Variants in AUTS2 observed in about 807,000 individuals in gnomAD.
AUTS2 encodes autism susceptibility gene 2 protein.
In AUTS2, 17 loss-of-function variants were observed where a neutral mutation model predicts 112.4. The observed-to-expected ratio is 0.15, with a 90% confidence interval of 0.10 to 0.23. The LOEUF is 0.23. Among genes scored for constraint, AUTS2 ranks in the 10% least tolerant of loss-of-function variants. AUTS2 has a pLI of 1.00. For missense variants in AUTS2, 1,510 were observed against 1,701.6 expected (o/e 0.89, Z 1.98); for synonymous variants, 751 against 702.7 (o/e 1.07, Z -1.09).
At chr7:69,648,605 G>T (rs1795148413) in intron 1 of AUTS2, among the ~76,000 whole-genome samples, 1 of 152,098 alleles carries the variant, frequency 6.6e-6, no homozygotes. Flanking sequence ...ACAGTCTTTG[G>T]CTCCTCTTCT....
intron 1 of AUTS2, among the ~76,000 whole-genome samples, chr7:69,770,509 C>T (rs1468334235): frequency 6.6e-6 from 1 of 151,970 alleles, no homozygotes; most frequent in Non-Finnish European, 1.5e-5. Context: ...CCTCTTGGCT[C>T]CAGCTGGAGC....
In AUTS2 at chr7:69,917,822, TTTGTTGTTG is replaced by T. The variant is rs58362194; in HGVS notation, c.522+18355_522+18363del. Among the ~76,000 whole-genome samples the T allele has an allele frequency of 2.1e-3, 312 of 149,230 alleles. 4 individuals are homozygous for T. Among genetic ancestry groups the T allele is most frequent in the African/African-American group, 6.7e-3 (273 of 40,534 alleles). ...AATGGTCTTCATTTCCAAGGACACC[TTTGTTGTTG>T]TTGTTGTTGTTGTTGTTGTTGTTGT... On this transcript the variant is annotated intron_variant, in intron 2 of 18. Coordinates refer to ENST00000342771, the MANE Select transcript of AUTS2 (RefSeq NM_015570.4).
intron 3 of AUTS2, among the ~76,000 whole-genome samples, chr7:70,133,693 A>G (rs576619620): frequency 2.0e-5 from 3 of 152,222 alleles, no homozygotes; most frequent in Non-Finnish European, 4.4e-5. Flanking sequence ...ACAAAGAGGA[A>G]GAGGATGCTA....
chr7:70,288,215 A>G (rs1788552930), intron 4 of AUTS2, among the ~76,000 whole-genome samples: 1 of 152,128 alleles, frequency 6.6e-6, no homozygotes, highest in Non-Finnish European at 1.5e-5. Flanking sequence ...TATTGAGACC[A>G]CGGTGAAACC....
chr7:70,155,846 G>A (rs1002632363), intron 4 of AUTS2, among the ~76,000 whole-genome samples: 3 of 152,078 alleles, frequency 2.0e-5, no homozygotes, highest in African/African-American at 7.2e-5. Flanking sequence ...GAGCCCGTGT[G>A]AGTTCATGTG....
In AUTS2 at chr7:70,032,734, T is replaced by C. The variant is rs371483028; in HGVS notation, c.523-85398T>C. 9.9e-5 allele frequency among the ~76,000 whole-genome samples: 15 copies of C among 152,186 alleles called. 1 individual carries two copies. Among genetic ancestry groups the C allele is most frequent in the Admixed American group, 7.2e-4 (11 of 15,264 alleles). On this transcript the variant is annotated intron_variant, in intron 2 of 18. Coordinates refer to ENST00000342771, the MANE Select transcript of AUTS2 (RefSeq NM_015570.4). ...TTAGAATGGATGAGCTGTAGGGCTG[T>C]GGGCTTCAGACCCTTTCATAGCTCC...
chr7:70,309,375 T>C (rs1789634579), intron 4 of AUTS2, among the ~76,000 whole-genome samples: 1 of 152,170 alleles, frequency 6.6e-6, no homozygotes, highest in South Asian at 2.1e-4. Flanking sequence ...GTTAGGTCAT[T>C]AAAGAATATG....
intron 1 of AUTS2, among the ~76,000 whole-genome samples, chr7:69,692,555 A>C (rs1378265059): frequency 1.3e-5 from 2 of 152,210 alleles, no homozygotes; most frequent in Non-Finnish European, 2.9e-5. Flanking sequence ...TATGTCTTTC[A>C]ATTTGGTTCT....
At chr7:70,374,347 A>T (rs1585072335) in intron 4 of AUTS2, among the ~76,000 whole-genome samples, 1 of 152,230 alleles carries the variant, frequency 6.6e-6, no homozygotes, top group East Asian at 1.9e-4. Flanking sequence ...TTAACCACAA[A>T]ACCTATCTAT....
rs1018442019 is a variant in AUTS2 at position 70,766,953 on chromosome 7, C to T, written c.1689+619C>T. 1.3e-5 allele frequency among the ~76,000 whole-genome samples: 2 copies of T among 152,214 alleles called. No individual in the cohort carries two copies. Among genetic ancestry groups the T allele is most frequent in the African/African-American group, 2.4e-5 (1 of 41,450 alleles). On this transcript the variant is annotated intron_variant, in intron 9 of 18. Transcript: ENST00000342771. This position sits in a 1 kb window ranked among gnomAD's most constrained non-coding sequence, Gnocchi z 4.8. Reference sequence around the variant, plus strand: ...CGCTCTGCCTTGGGGCAAGAGGAACCACTGGCCATGACATGGTCTTGCTTT... The same window carrying T: ...CGCTCTGCCTTGGGGCAAGAGGAACTACTGGCCATGACATGGTCTTGCTTT...
At chr7:70,036,891 A>G (rs996600843) in intron 2 of AUTS2, among the ~76,000 whole-genome samples, 1 of 152,230 alleles carries the variant, frequency 6.6e-6, no homozygotes, top group African/African-American at 2.4e-5. Flanking sequence ...GTAGAGGGAC[A>G]AAGGATGCAA....
At chr7:70,780,549 G>GTATT (rs1791004840) in intron 14 of AUTS2, among the ~76,000 whole-genome samples, 1 of 151,912 alleles carries the variant, frequency 6.6e-6, no homozygotes, top group South Asian at 2.1e-4. Context: ...CTGATCTTTT[G>GTATT]TATTTTAGTA....
At chr7:70,227,874 A>G (rs1811847887) in intron 4 of AUTS2, among the ~76,000 whole-genome samples, 1 of 152,078 alleles carries the variant, frequency 6.6e-6, no homozygotes, top group Non-Finnish European at 1.5e-5. Flanking sequence ...ATGATGTACC[A>G]TGTGTGCTTA....
intron 4 of AUTS2, among the ~76,000 whole-genome samples, chr7:70,168,094 A>G (rs1321761519): frequency 1.3e-5 from 2 of 152,240 alleles, no homozygotes; most frequent in Non-Finnish European, 2.9e-5. Flanking sequence ...CTGAAAAAAT[A>G]CACTTGAAGC....
chr7:70,711,845 G>A (rs1215973070), intron 6 of AUTS2, among the ~76,000 whole-genome samples: 2 of 152,166 alleles, frequency 1.3e-5, no homozygotes, highest in Non-Finnish European at 2.9e-5. Context: ...AAGTACCGGT[G>A]ACCCTGGCGA....
At chr7:70,537,600 G>T (rs1205274526) in intron 5 of AUTS2, among the ~76,000 whole-genome samples, 1 of 152,260 alleles carries the variant, frequency 6.6e-6, no homozygotes, top group African/African-American at 2.4e-5. Context: ...CTGTTGCTAC[G>T]ATAGGAGCGG....
At chr7:70,253,437 G>A (rs146569579) in intron 4 of AUTS2, among the ~76,000 whole-genome samples, 14 of 152,118 alleles carry the variant, frequency 9.2e-5, no homozygotes, top group African/African-American at 3.4e-4. Flanking sequence ...GTATCTGATT[G>A]TTGTTATCTG....
chr7:70,434,666 C>T (rs1795816428), intron 4 of AUTS2, among the ~76,000 whole-genome samples: 1 of 152,176 alleles, frequency 6.6e-6, no homozygotes, highest in Admixed American at 6.5e-5. Flanking sequence ...ACTCTCTCCA[C>T]GTTCCCACAG....
At chr7:69,879,977 A>G (rs1416263060) in intron 1 of AUTS2, among the ~76,000 whole-genome samples, 1 of 152,166 alleles carries the variant, frequency 6.6e-6, no homozygotes, top group Non-Finnish European at 1.5e-5. Context: ...TGCCCAGTGT[A>G]TTAGTCCATT....
Sources: allele counts gnomAD v4.1 joint callset (sites outside exome capture counted in the v4.1 genomes callset), GRCh38; gene constraint gnomAD v4.1.1; non-coding constraint Gnocchi (gnomAD v3.1); transcripts MANE v1.5; gene names NCBI Gene and HGNC (gene_info 2026-07-23, HGNC 2026-07-21).